ATG5: variants seen among roughly 807,000 people sequenced by gnomAD.
ATG5 encodes the protein autophagy protein 5.
A neutral mutation model predicts 36.5 loss-of-function variants in ATG5; 14 were observed. The observed-to-expected ratio is 0.38, with a 90% CI of 0.25 to 0.60. The LOEUF is 0.60. ATG5 is among the 20% of genes least tolerant of loss of function. The probability of loss-of-function intolerance (pLI) is 0.60; values close to 1 mark genes in which losing one functional copy is unlikely to be tolerated. For synonymous variants in ATG5, 95 were observed against 101.5 expected (o/e 0.94, Z 0.38); for missense variants, 195 against 326.7 (o/e 0.60, Z 3.11).
chr6:106,300,596 G>T (rs1770169927), intron 3 of ATG5, among the ~76,000 whole-genome samples: 1 of 152,016 alleles, frequency 6.6e-6, no homozygotes, highest in Non-Finnish European at 1.5e-5. Context: ...AAACCTAGAT[G>T]CCATAGCCTA....
chr6:106,314,160 CA>C (rs1770755289), intron 2 of ATG5, among the ~76,000 whole-genome samples: 2 of 152,184 alleles, frequency 1.3e-5, no homozygotes, highest in African/African-American at 4.8e-5. Flanking sequence ...CTAGTGCTCA[CA>C]AGTCTTTTCC....
At chr6:106,308,072 G>C (rs1770515146) in intron 3 of ATG5, among the ~76,000 whole-genome samples, 1 of 152,088 alleles carries the variant, frequency 6.6e-6, no homozygotes, top group Non-Finnish European at 1.5e-5. Context: ...CTTTTCATAA[G>C]GGAGTTTTAA....
chr6:106,306,052 C>T (rs951542047), intron 3 of ATG5, among the ~76,000 whole-genome samples: 1 of 152,004 alleles, frequency 6.6e-6, no homozygotes, highest in Non-Finnish European at 1.5e-5. Flanking sequence ...TGATATAACA[C>T]ATAAAAAGTT....
At chr6:106,224,018 C>T (rs921043131) in intron 6 of ATG5, among the ~76,000 whole-genome samples, 2 of 152,240 alleles carry the variant, frequency 1.3e-5, no homozygotes, top group South Asian at 2.1e-4. Context: ...AAACAGACTT[C>T]GCAGAAAGAA....
At chr6:106,238,912 A>G (rs1250159895) in intron 6 of ATG5, among the ~76,000 whole-genome samples, 3 of 152,184 alleles carry the variant, frequency 2.0e-5, no homozygotes, top group Non-Finnish European at 2.9e-5. Flanking sequence ...ATTTAAAAGC[A>G]TAAAAAAAAG....
chr6:106,244,387 G>A (rs1200039492), intron 6 of ATG5, among the ~76,000 whole-genome samples: 1 of 152,016 alleles, frequency 6.6e-6, no homozygotes, highest in Non-Finnish European at 1.5e-5. Flanking sequence ...CGTTAATATG[G>A]CCTGACTTTT....
chr6:106,316,240 T>C lies in ATG5; in HGVS notation c.-32A>G, dbSNP rs1472551242. 2 of 1,560,796 alleles carry C rather than the reference T, an allele frequency of 1.3e-6. No homozygotes were observed. Among genetic ancestry groups the C allele is most frequent in the South Asian group, 1.1e-5 (1 of 88,742 alleles). On this transcript the variant is annotated 5_prime_UTR_variant, in exon 2 of 8. Coordinates refer to ENST00000369076, the MANE Select transcript of ATG5 (RefSeq NM_004849.4). Reference sequence around the variant, plus strand: ...AGGAGTTAAAGCAGTACATACAGGCTAAATTCTTATTTCAACCAAAGCCAA... The same window carrying C: ...AGGAGTTAAAGCAGTACATACAGGCCAAATTCTTATTTCAACCAAAGCCAA...
intron 1 of ATG5, among the ~76,000 whole-genome samples, chr6:106,318,375 T>C (rs1770938646): frequency 6.6e-6 from 1 of 152,138 alleles, no homozygotes; most frequent in Non-Finnish European, 1.5e-5. Context: ...GTTTCTCCCT[T>C]CCACATGTCA....
chr6:106,302,854 AACAGAAC>A (rs1770274531), intron 3 of ATG5, among the ~76,000 whole-genome samples: 3 of 152,078 alleles, frequency 2.0e-5, no homozygotes, highest in Admixed American at 6.5e-5. Context: ...TGAAAACAAA[AACAGAAC>A]ATATCAAAAT....
At chr6:106,246,223 C>T (rs1447302663) in intron 6 of ATG5, among the ~76,000 whole-genome samples, 1 of 152,086 alleles carries the variant, frequency 6.6e-6, no homozygotes, top group Non-Finnish European at 1.5e-5. Flanking sequence ...TGCCCAAGTG[C>T]CTTGACACAT....
intron 7 of ATG5, among the ~76,000 whole-genome samples, chr6:106,194,383 TTA>T (rs963067878): frequency 4.6e-5 from 7 of 152,190 alleles, no homozygotes; most frequent in Admixed American, 4.6e-4. Flanking sequence ...AGTATCTGCT[TTA>T]TACGGTCAGC....
intron 6 of ATG5, among the ~76,000 whole-genome samples, chr6:106,202,982 A>C (rs1776493461): frequency 6.6e-6 from 1 of 152,108 alleles, no homozygotes; most frequent in Admixed American, 6.6e-5. Context: ...TAACCATCTA[A>C]TGGTTGAGAG....
chr6:106,246,330 T>C (rs958449144), intron 6 of ATG5, among the ~76,000 whole-genome samples: 9 of 151,878 alleles, frequency 5.9e-5, no homozygotes, highest in Non-Finnish European at 1.2e-4. Flanking sequence ...ACTTTCTATC[T>C]AATTATAGCA....
chr6:106,276,823 C>A (rs973777532), intron 5 of ATG5, among the ~76,000 whole-genome samples: 2 of 152,184 alleles, frequency 1.3e-5, no homozygotes, highest in African/African-American at 4.8e-5. Flanking sequence ...CCTAAAATAT[C>A]ATTTAATCTT....
At chr6:106,314,100 ACT>A (rs1770753357) in intron 2 of ATG5, among the ~76,000 whole-genome samples, 1 of 152,106 alleles carries the variant, frequency 6.6e-6, no homozygotes, top group South Asian at 2.1e-4. Context: ...TACTGTAAAC[ACT>A]CTTGCCATTT....
chr6:106,195,948 C>T (rs550664221), intron 7 of ATG5, among the ~76,000 whole-genome samples: 48 of 152,168 alleles, frequency 3.2e-4, no homozygotes, highest in African/African-American at 1.2e-3. Context: ...AATTTGTGTG[C>T]CTTTCTTGTG....
intron 5 of ATG5, among the ~76,000 whole-genome samples, chr6:106,259,636 C>A (rs183379240): frequency 1.3e-5 from 2 of 152,224 alleles, no homozygotes; most frequent in Non-Finnish European, 2.9e-5. Flanking sequence ...TTCTTACATT[C>A]TAGGTAGACA....
chr6:106,256,815 G>A (rs774510297), intron 5 of ATG5, among the ~76,000 whole-genome samples: 1 of 152,108 alleles, frequency 6.6e-6, no homozygotes, highest in African/African-American at 2.4e-5. Flanking sequence ...GAATGTGAAG[G>A]CCTAGGACAT....
At chr6:106,233,984 T>G (rs1013122739) in intron 6 of ATG5, among the ~76,000 whole-genome samples, 2 of 152,168 alleles carry the variant, frequency 1.3e-5, no homozygotes, top group African/African-American at 4.8e-5. Flanking sequence ...CCACAACTGC[T>G]ATAACTCTGC....
Sources: allele counts gnomAD v4.1 joint callset (sites outside exome capture counted in the v4.1 genomes callset), GRCh38; gene constraint gnomAD v4.1.1; transcripts MANE v1.5; gene names NCBI Gene and HGNC (gene_info 2026-07-23, HGNC 2026-07-21).